The following FBP2 variants were observed in gnomAD, a reference collection of about 807,000 sequenced individuals.
The protein encoded by FBP2 is fructose-1,6-bisphosphatase isozyme 2.
FBP2 carries 27 observed loss-of-function variants against 31.6 expected under a neutral mutation model. That is an observed-to-expected ratio of 0.85 (90% CI 0.63 to 1.18). The LOEUF (loss-of-function observed/expected upper bound fraction) is 1.18, where lower values mean the gene tolerates loss of function less well. Among genes scored for constraint, FBP2 ranks in the 50% most tolerant of loss-of-function variants. FBP2 has a pLI of 0.00. For synonymous variants in FBP2, 168 were observed against 179.8 expected (o/e 0.93, Z 0.53); for missense variants, 421 against 436.1 (o/e 0.97, Z 0.31).
At chr9:94,563,239 G>C in intron 6 of FBP2, 103 bp downstream of exon 6, 1 of 1,316,508 alleles carries the variant, frequency 7.6e-7, no homozygotes, top group Non-Finnish European at 1.0e-6. Context: ...TCCCCACACA[G>C]ACATGCCATG....
In FBP2 at chr9:94,559,042, C is replaced by G. The variant is rs763789175; in HGVS notation, c.916G>C (p.Val306Leu). 2.7e-5 allele frequency: 43 copies of G among 1,614,010 alleles called. No homozygotes were observed. The highest frequency in any genetic ancestry group is 3.6e-5 in the Non-Finnish European group (42 of 1,180,020). ...ATTGTQPVLD[V>L]KPEAIHQRVP... ...CGCTGGTGAATTGCCTCGGGCTTCA[C>G]GTCCAGTACAGGCTGGGTCCCCGTG... The change falls in exon 7 of 7, where the codon GTG becomes CTG. Residue 306 changes from valine (V) to leucine (L), a missense_variant. Physicochemically the swap from Val to Leu is conservative, Grantham distance 32. Coordinates refer to ENST00000375337, the MANE Select transcript of FBP2 (RefSeq NM_003837.4).
At chr9:94,573,414 AC>A (rs1827288140) in intron 3 of FBP2, among the ~76,000 whole-genome samples, 1 of 151,660 alleles carries the variant, frequency 6.6e-6, no homozygotes, top group Non-Finnish European at 1.5e-5. Context: ...ATGCACTACC[AC>A]CCCCCTCTCC....
intron 5 of FBP2, among the ~76,000 whole-genome samples, chr9:94,565,744 AG>A (rs1827177608): frequency 7.2e-6 from 1 of 138,396 alleles, no homozygotes; most frequent in African/African-American, 2.6e-5. Context: ...GATGATAGAT[AG>A]ATAGATAGAA....
At chr9:94,579,882 G>C (rs1037695930) in intron 3 of FBP2, among the ~76,000 whole-genome samples, 9 of 152,082 alleles carry the variant, frequency 5.9e-5, no homozygotes, top group Admixed American at 6.6e-5. Context: ...TATCTTAAAG[G>C]TCTAGAAAAG....
chr9:94,564,039 G>A (rs553763868), intron 5 of FBP2, among the ~76,000 whole-genome samples: 1 of 152,274 alleles, frequency 6.6e-6, no homozygotes, highest in East Asian at 1.9e-4. Context: ...CACAATAATA[G>A]TGGCAGACTT....
chr9:94,575,047 T>C (rs575151110), intron 3 of FBP2, among the ~76,000 whole-genome samples: 2 of 152,326 alleles, frequency 1.3e-5, no homozygotes, highest in South Asian at 2.1e-4. Context: ...AAGAGCTCCA[T>C]GTATTTGGTG....
intron 6 of FBP2, 79 bp from the exon 7 acceptor site, chr9:94,559,211 G>C (rs1827057071): frequency 7.7e-7 from 1 of 1,302,488 alleles, no homozygotes; most frequent in Non-Finnish European, 1.1e-6. Flanking sequence ...GCTGGGGGAG[G>C]AGTTTGTACT....
At chr9:94,587,973 G>A (rs1166861867) in intron 1 of FBP2, among the ~76,000 whole-genome samples, 2 of 151,770 alleles carry the variant, frequency 1.3e-5, no homozygotes, top group South Asian at 2.1e-4. Flanking sequence ...CTCAGCCTCC[G>A]GAGTAGCTGG....
At chr9:94,578,348 A>G (rs931458796) in intron 3 of FBP2, among the ~76,000 whole-genome samples, 1 of 152,240 alleles carries the variant, frequency 6.6e-6, no homozygotes, top group African/African-American at 2.4e-5. Context: ...AATGGTTAAC[A>G]GGGAAATAAC....
At chr9:94,585,911 A>C (rs1272196834) in intron 2 of FBP2, among the ~76,000 whole-genome samples, 1 of 151,442 alleles carries the variant, frequency 6.6e-6, no homozygotes, top group Non-Finnish European at 1.5e-5. Flanking sequence ...ATGCCGAGCT[A>C]AATTTTTATC....
At chr9:94,585,620 T>C (rs1019931643) in intron 2 of FBP2, among the ~76,000 whole-genome samples, 2 of 152,054 alleles carry the variant, frequency 1.3e-5, no homozygotes, top group Non-Finnish European at 2.9e-5. Flanking sequence ...AAATTGTTTG[T>C]TTTCTTGTTT....
chr9:94,562,545 T>C (rs1423422039), intron 6 of FBP2, among the ~76,000 whole-genome samples: 1 of 152,130 alleles, frequency 6.6e-6, no homozygotes, highest in Non-Finnish European at 1.5e-5. Context: ...TCAGCGTGGC[T>C]TTGATTCTTA....
chr9:94,564,226 A>G (rs1377082466), intron 5 of FBP2, among the ~76,000 whole-genome samples: 2 of 152,226 alleles, frequency 1.3e-5, no homozygotes, highest in Admixed American at 6.5e-5. Context: ...GGAACACACA[A>G]TCAGACGTAA....
chr9:94,561,352 ATTTTTTTTTTT>A lies in FBP2; in HGVS notation c.825+1979_825+1989del, dbSNP rs1174386595. On this transcript the variant is annotated intron_variant, in intron 6 of 6. Transcript: ENST00000375337. ...GCAGGCCATGTGACATGTGACCTGT[ATTTTTTTTTTT>A]TTTTTTTTTTTTTTTTTGAGATGGA... is the stretch of plus-strand genomic sequence containing the variant. 1.7e-3 allele frequency among the ~76,000 whole-genome samples: 96 copies of A among 54,994 alleles called. 1 individual carries two copies. In the Admixed American group the frequency reaches 0.025, roughly 15 times the overall value. The allele number at this position is 54,994 out of a possible 152,430, so 36.1% of individuals were successfully genotyped here. A position where few individuals can be genotyped will look rare whatever the true frequency, so the allele number is the denominator to read the frequency against.
In FBP2 at chr9:94,558,894, C is replaced by G; in HGVS notation, c.*44G>C. On this transcript the variant is annotated 3_prime_UTR_variant, in exon 7 of 7. Coordinates refer to ENST00000375337, the MANE Select transcript of FBP2 (RefSeq NM_003837.4). ...TTATCGTTCATTTAGGGTCCTTAGA[C>G]AAGGTGCAAGACAAACAGAAGAGGG... 6.3e-7 allele frequency: 1 copy of G among 1,583,852 alleles called. No homozygotes were observed. The highest frequency in any genetic ancestry group is 8.7e-7 in the Non-Finnish European group (1 of 1,153,026).
chr9:94,578,453 GT>G (rs1457014428), intron 3 of FBP2, among the ~76,000 whole-genome samples: 16 of 151,958 alleles, frequency 1.1e-4, no homozygotes, highest in Admixed American at 2.0e-4. Flanking sequence ...AATGAAATAT[GT>G]TTTTTAAGTG....
intron 1 of FBP2, among the ~76,000 whole-genome samples, chr9:94,591,435 G>T (rs618272): frequency 1.3e-5 from 2 of 152,130 alleles, no homozygotes; most frequent in South Asian, 4.1e-4. Context: ...CTGGCTGCTC[G>T]GAGTGCGGGC....
intron 3 of FBP2, among the ~76,000 whole-genome samples, chr9:94,579,503 T>A (rs1827354219): frequency 6.6e-6 from 1 of 151,708 alleles, no homozygotes. Flanking sequence ...AGTTTAAGCA[T>A]GTCATAAATG....
In FBP2 at chr9:94,563,893, A is replaced by G. The variant is rs115715488; in HGVS notation, c.706-432T>C. Among the ~76,000 whole-genome samples, 511 of 152,342 alleles carry G rather than the reference A, an allele frequency of 3.4e-3. 8 individuals carry two copies. The highest frequency in any genetic ancestry group is 0.01 in the African/African-American group (434 of 41,582). On this transcript the variant is annotated intron_variant, in intron 5 of 6. Transcript: ENST00000375337. ...CCAATAAAGTTCAAAAAAGACGAAAAGGACATTACATAATGGTAAAGGGCT... is the reference window on the plus strand; with the variant it reads ...CCAATAAAGTTCAAAAAAGACGAAAGGGACATTACATAATGGTAAAGGGCT...
Sources: allele counts gnomAD v4.1 joint callset (sites outside exome capture counted in the v4.1 genomes callset), GRCh38; gene constraint gnomAD v4.1.1; transcripts MANE v1.5; gene names NCBI Gene and HGNC (gene_info 2026-07-23, HGNC 2026-07-21).